Variants in C11orf65 observed in about 807,000 individuals in gnomAD.
C11orf65 encodes chromosome 11 open reading frame 65.
A neutral mutation model predicts 35.3 loss-of-function variants in C11orf65; 38 were observed. The ratio of observed to expected loss-of-function variants is 1.08; its 90% CI spans 0.83 to 1.41. The LOEUF is 1.41. Among genes scored for constraint, C11orf65 ranks in the 40% most tolerant of loss-of-function variants. The pLI, the probability that C11orf65 is intolerant of heterozygous loss-of-function variation, is 0.00. For missense variants in C11orf65, 370 were observed against 367.1 expected (o/e 1.01, Z -0.06); for synonymous variants, 105 against 114.4 (o/e 0.92, Z 0.53).
At chr11:108,408,181 T>A (rs528882549) in intron 3 of C11orf65, among the ~76,000 whole-genome samples, 37 of 151,946 alleles carry the variant, frequency 2.4e-4, no homozygotes, top group African/African-American at 8.4e-4. Context: ...TACCAAACTG[T>A]TTCCTTTTTA....
intron 2 of C11orf65, among the ~76,000 whole-genome samples, chr11:108,374,741 A>G (rs1253571302): frequency 6.6e-6 from 1 of 152,208 alleles, no homozygotes; most frequent in East Asian, 1.9e-4. Flanking sequence ...AACTTTGAAA[A>G]AAATTTAGAC....
intron 6 of C11orf65, among the ~76,000 whole-genome samples, chr11:108,310,704 T>TA: frequency 6.6e-6 from 1 of 152,262 alleles, no homozygotes; most frequent in African/African-American, 2.4e-5. Context: ...TCTAAACTAT[T>TA]CAAGATTCAT....
At chr11:108,433,270 T>C (rs546465677) in intron 2 of C11orf65, among the ~76,000 whole-genome samples, 2 of 148,068 alleles carry the variant, frequency 1.4e-5, no homozygotes, top group East Asian at 1.9e-4. Context: ...TCTATATATA[T>C]ATAGATATAT....
intron 2 of C11orf65, among the ~76,000 whole-genome samples, chr11:108,364,486 A>G (rs954080052): frequency 6.6e-6 from 1 of 152,198 alleles, no homozygotes; most frequent in African/African-American, 2.4e-5. Flanking sequence ...ATATATCTCA[A>G]GATTCCAAAC....
intron 2 of C11orf65, among the ~76,000 whole-genome samples, chr11:108,450,581 A>C (rs1348207850): frequency 5.9e-5 from 8 of 136,210 alleles, no homozygotes; most frequent in Non-Finnish European, 1.1e-4. Flanking sequence ...CAATGAGAAC[A>C]CATAGGCACA....
chr11:108,321,963 C>T (rs1312026960), intron 6 of C11orf65, among the ~76,000 whole-genome samples: 1 of 152,018 alleles, frequency 6.6e-6, no homozygotes, highest in Non-Finnish European at 1.5e-5. Flanking sequence ...ATAACTTTTT[C>T]CCTGGCCTAC....
chr11:108,355,471 A>G, intron 2 of C11orf65: 1 of 157,202 alleles, frequency 6.4e-6, no homozygotes, highest in Non-Finnish European at 1.4e-5. Context: ...AAGTCAAACA[A>G]ATTTCAGTGT....
chr11:108,393,232 C>A lies in C11orf65; in HGVS notation c.707G>T (p.Trp236Leu), dbSNP rs754752941. Residue 236 changes from tryptophan to leucine, a missense_variant, in exon 7 of 9, where the codon TGG becomes TTG. Coordinates refer to ENST00000393084, the MANE Select transcript of C11orf65 (RefSeq NM_152587.5). ...MEWEVDEVLN[W>L]TNTLNFDEYI... ...CTCATCAAAGTTCAGTGTATTTGTC[C>A]AGTTCAGCACTTCATCCACTTCCCA... is the stretch of plus-strand genomic sequence containing the variant. 1 of 1,613,828 alleles carries A rather than the reference C, an allele frequency of 6.2e-7. No individual in the cohort carries two copies.
chr11:108,319,808 T>G, intron 6 of C11orf65: 1 of 638,830 alleles, frequency 1.6e-6, no homozygotes. Flanking sequence ...ATAAAATTTG[T>G]ATTTCTTACC....
intron 6 of C11orf65, among the ~76,000 whole-genome samples, chr11:108,403,428 T>C (rs1210325774): frequency 6.7e-6 from 1 of 150,138 alleles, no homozygotes; most frequent in Non-Finnish European, 1.5e-5. Flanking sequence ...TTGTTTTTTT[T>C]TTTTTTACAT....
intron 6 of C11orf65, among the ~76,000 whole-genome samples, chr11:108,322,969 C>T (rs2136273145): frequency 6.6e-6 from 1 of 152,004 alleles, no homozygotes; most frequent in South Asian, 2.1e-4. Flanking sequence ...CCTCAGTTTC[C>T]TCATTTCTAA....
At chr11:108,385,781 G>A (rs928058581) in intron 8 of C11orf65, 139 bp downstream of exon 8, 2 of 673,428 alleles carry the variant, frequency 3.0e-6, no homozygotes, top group Admixed American at 2.7e-5. Flanking sequence ...TACATACAAA[G>A]GTAAAAATGA....
chr11:108,402,434 G>A (rs1184442491), intron 6 of C11orf65, among the ~76,000 whole-genome samples: 1 of 152,086 alleles, frequency 6.6e-6, no homozygotes, highest in Non-Finnish European at 1.5e-5. Context: ...AGTACTGTAG[G>A]CATTGTAACC....
At chr11:108,435,237 C>T (rs1172411193) in intron 2 of C11orf65, among the ~76,000 whole-genome samples, 6 of 151,968 alleles carry the variant, frequency 3.9e-5, no homozygotes, top group South Asian at 2.1e-4. Flanking sequence ...ACAGGAAGAA[C>T]GTTTCCACCA....
At chr11:108,322,012 A>G (rs901293475) in intron 6 of C11orf65, among the ~76,000 whole-genome samples, 2 of 152,140 alleles carry the variant, frequency 1.3e-5, no homozygotes, top group African/African-American at 4.8e-5. Flanking sequence ...GCATAGCATG[A>G]TAACACTCCA....
chr11:108,421,594 G>T (rs1002022303), intron 3 of C11orf65, among the ~76,000 whole-genome samples: 4 of 152,088 alleles, frequency 2.6e-5, no homozygotes, highest in Non-Finnish European at 4.4e-5. Context: ...GGAGGCGAAG[G>T]TTGCAGTGAG....
chr11:108,417,772 T>G (rs1452496745), intron 3 of C11orf65, among the ~76,000 whole-genome samples: 5 of 151,858 alleles, frequency 3.3e-5, no homozygotes, highest in Non-Finnish European at 7.4e-5. Context: ...TGTCAGCAGG[T>G]GGCGGGCTAG....
chr11:108,389,080 T>C (rs2092085559), intron 7 of C11orf65, among the ~76,000 whole-genome samples: 1 of 152,286 alleles, frequency 6.6e-6, no homozygotes, highest in African/African-American at 2.4e-5. Context: ...AAGGCATTTA[T>C]GCCATTCTAA....
At chr11:108,431,026 G>A (rs1373832497) in intron 3 of C11orf65, among the ~76,000 whole-genome samples, 3 of 151,800 alleles carry the variant, frequency 2.0e-5, no homozygotes, top group Non-Finnish European at 2.9e-5. Context: ...ATTATGTATT[G>A]GTGAGAATGT....
Sources: gnomAD v4.1 joint callset for allele counts (sites outside exome capture counted in the v4.1 genomes callset) on GRCh38, gnomAD v4.1.1 for gene constraint, MANE v1.5 for transcripts, NCBI Gene and HGNC (gene_info 2026-07-23, HGNC 2026-07-21) for gene names.